CAPNS1: variants seen among roughly 807,000 people sequenced by gnomAD.
CAPNS1 encodes the protein CANP small subunit.
In CAPNS1, 32 loss-of-function variants were observed where a neutral mutation model predicts 39.2. The observed-to-expected ratio is 0.82, with a 90% CI of 0.62 to 1.10. The LOEUF (loss-of-function observed/expected upper bound fraction) is 1.10. CAPNS1 is among the 50% of genes least tolerant of loss of function. The probability of loss-of-function intolerance (pLI) is 0.00; values close to 1 mark genes in which losing one functional copy is unlikely to be tolerated. For synonymous variants in CAPNS1, 153 were observed against 136.2 expected (o/e 1.12, Z -0.86); for missense variants, 353 against 373.1 (o/e 0.95, Z 0.44).
At chr19:36,141,529 AGCC>A in intron 2 of CAPNS1, 1 of 1,202,256 alleles carries the variant, frequency 8.3e-7, no homozygotes, top group Non-Finnish European at 1.0e-6. Context: ...GTCTGGGCTC[AGCC>A]TGCATTGGCT....
intron 3 of CAPNS1, 36 bp downstream of exon 3, chr19:36,142,369 C>T: frequency 7.9e-7 from 1 of 1,258,712 alleles, no homozygotes; most frequent in South Asian, 1.4e-5. Context: ...CCTTCTCCTG[C>T]CAAGGCCTCT....
intron 9 of CAPNS1, 89 bp downstream of exon 9, chr19:36,146,401 C>T (rs146564063): frequency 2.2e-4 from 186 of 829,120 alleles, no homozygotes; most frequent in African/African-American, 1.7e-3. Flanking sequence ...TTGAGGTGGG[C>T]GATGCTAGGG....
intron 4 of CAPNS1, 79 bp downstream of exon 4, chr19:36,142,820 G>A (rs1974428051): frequency 6.3e-7 from 1 of 1,587,600 alleles, no homozygotes; most frequent in African/African-American, 1.3e-5. Flanking sequence ...ACACACCCTT[G>A]ACCATGACAA....
At chr19:36,148,591 A>T (rs549050941) in intron 9 of CAPNS1, among the ~76,000 whole-genome samples, 357 of 151,222 alleles carry the variant, frequency 2.4e-3, no homozygotes, top group Non-Finnish European at 3.8e-3. Context: ...TGGGCGGATC[A>T]CCTGATGTCA....
chr19:36,148,812 C>CAA (rs34740376), intron 9 of CAPNS1, among the ~76,000 whole-genome samples: 1 of 144,190 alleles, frequency 6.9e-6, no homozygotes, highest in Non-Finnish European at 1.5e-5. Context: ...GACTCTGTCT[C>CAA]AAAAAAAAAA....
At chr19:36,146,544 G>A (rs1399934823) in intron 9 of CAPNS1, among the ~76,000 whole-genome samples, 3 of 152,188 alleles carry the variant, frequency 2.0e-5, no homozygotes, top group Non-Finnish European at 4.4e-5. Flanking sequence ...AGGGCAGAGT[G>A]ATGGGTTGTG....
chr19:36,143,478 A>T lies in CAPNS1; in HGVS notation c.456+350A>T, dbSNP rs1184187737. ...ATGGTGGCTCATGCCTGTAATCCCA[A>T]CACTTTGGGAGGCTAAGGTGGGCAG... On this transcript the variant is annotated intron_variant, in intron 6 of 10. Coordinates refer to ENST00000246533, the MANE Select transcript of CAPNS1 (RefSeq NM_001749.4). Among the ~76,000 whole-genome samples the T allele has an allele frequency of 2.0e-5, 3 of 151,954 alleles. No individual in the cohort carries two copies. In the East Asian group the frequency reaches 5.8e-4, roughly 29 times the overall value.
intron 3 of CAPNS1, 50 bp from the exon 4 acceptor site, chr19:36,142,602 G>C (rs1974416196): frequency 6.5e-7 from 1 of 1,529,796 alleles, no homozygotes. Flanking sequence ...TTGGGGAGCC[G>C]TCCTGGCCGG....
intron 9 of CAPNS1, among the ~76,000 whole-genome samples, 184 bp downstream of exon 9, chr19:36,146,496 A>G (rs1974573045): frequency 6.6e-6 from 1 of 152,196 alleles, no homozygotes; most frequent in African/African-American, 2.4e-5. Flanking sequence ...CCAGACAGTG[A>G]CAGTTCAGAC....
At position 36,142,979 on chromosome 19, in the gene CAPNS1, G is replaced by A. The variant is rs775165678; in HGVS notation, c.391+13G>A. ...GTTGTGACACGACGTAAGTGACCGG[G>A]GTTAAGGAATAGGGTAGATTCAGAG... On this transcript the variant is annotated intron_variant, in intron 5 of 10. Coordinates refer to ENST00000246533, the MANE Select transcript of CAPNS1 (RefSeq NM_001749.4). 1 of 1,614,154 alleles carries A rather than the reference G, an allele frequency of 6.2e-7. No homozygotes were observed. The highest frequency in any genetic ancestry group is 1.7e-5 in the Admixed American group (1 of 60,026).
At chr19:36,146,783 G>A (rs1974583116) in intron 9 of CAPNS1, among the ~76,000 whole-genome samples, 1 of 152,182 alleles carries the variant, frequency 6.6e-6, no homozygotes, top group Non-Finnish European at 1.5e-5. Context: ...TGAGGGAACA[G>A]CCTGTGCAAA....
intron 2 of CAPNS1, among the ~76,000 whole-genome samples, chr19:36,141,987 A>AT (rs750487164): frequency 3.3e-5 from 5 of 151,966 alleles, no homozygotes; most frequent in Non-Finnish European, 4.4e-5. Context: ...TCTACGTGGG[A>AT]TTTTTTAGGT....
At chr19:36,144,805 G>A (rs906377712) in intron 6 of CAPNS1, among the ~76,000 whole-genome samples, 3 of 152,180 alleles carry the variant, frequency 2.0e-5, no homozygotes, top group Non-Finnish European at 2.9e-5. Flanking sequence ...TTATTGAACC[G>A]CTCTGTGCCT....
rs765805712 is a variant in CAPNS1, at chr19:36,142,327, G to A, written c.237G>A (p.Glu79=). 6.4e-7 allele frequency: 1 copy of A among 1,553,152 alleles called. No individual in the cohort carries two copies. Among genetic ancestry groups the A allele is most frequent in the Non-Finnish European group, 8.8e-7 (1 of 1,141,336 alleles). ...AGGCGGCTGCGCAGTACAACCCGGA[G>A]CCCCCGGTAAGCCCCCTCTGCAACC... ...ISEAAAQYNP[E]PPPPRTHYSN... Residue 79 remains glutamate, a synonymous_variant, in exon 3 of 11, where the codon GAG becomes GAA. Coordinates refer to ENST00000246533, the MANE Select transcript of CAPNS1 (RefSeq NM_001749.4).
At chr19:36,143,208 G>GCTTT in intron 6 of CAPNS1, 80 bp downstream of exon 6, 1 of 1,211,236 alleles carries the variant, frequency 8.3e-7, no homozygotes, top group East Asian at 2.3e-5. Context: ...CCAACATGTA[G>GCTTT]CTTTCATATC....
In CAPNS1 at chr19:36,143,119, C is replaced by T. The variant is rs770148764; in HGVS notation, c.447C>T (p.Ala149=). The T allele has an allele frequency of 2.5e-6, 4 of 1,613,876 alleles. No homozygotes were observed. Among genetic ancestry groups the T allele is most frequent in the Non-Finnish European group, 3.4e-6 (4 of 1,179,932 alleles). Residue 149 remains alanine (A), a synonymous_variant, in exon 6 of 11, where the codon GCC becomes GCT. Coordinates refer to ENST00000246533, the MANE Select transcript of CAPNS1 (RefSeq NM_001749.4). ...FGIDTCRSMV[A]VMDSDTTGKL... is the part of the protein sequence containing the mutation. The stretch of plus-strand genomic sequence containing the variant: ...TTGACACATGTCGCAGCATGGTGGC[C>T]GTGATGGATGTATCCTTGGGGGCAG...
Position 36,149,423 on chromosome 19 carries a change from C to G in CAPNS1, c.722-155C>G, listed in dbSNP as rs569029653. Among the ~76,000 whole-genome samples the G allele has an allele frequency of 1.2e-3, 186 of 152,276 alleles. 2 individuals are homozygous for G. The highest frequency in any genetic ancestry group is 1.8e-3 in the Non-Finnish European group (123 of 68,022). On this transcript the variant is annotated intron_variant, in intron 9 of 10. Transcript: ENST00000246533. ...AGAGTTGGATTAAATCAGCCAATAC[C>G]TGGAAAGCACTTTACCCCATGCTTG...
intron 6 of CAPNS1, chr19:36,145,601 A>G (rs1490777906): frequency 3.6e-6 from 2 of 558,056 alleles, no homozygotes; most frequent in Non-Finnish European, 6.5e-6. Context: ...ATGTTTAAAG[A>G]GAATCCCTAT....
At chr19:36,149,681 C>A (rs1184701721) in intron 10 of CAPNS1, 45 bp downstream of exon 10, 1 of 1,591,814 alleles carries the variant, frequency 6.3e-7, no homozygotes, top group East Asian at 2.3e-5. Context: ...GAGGACCCCA[C>A]CCCTCAGCCC....
Sources: gnomAD v4.1 joint callset for allele counts (sites outside exome capture counted in the v4.1 genomes callset) on GRCh38, gnomAD v4.1.1 for gene constraint, MANE v1.5 for transcripts, NCBI Gene and HGNC (gene_info 2026-07-23, HGNC 2026-07-21) for gene names.